ZNHIT3: variants seen among roughly 807,000 people sequenced by gnomAD.
The protein encoded by ZNHIT3 is zinc finger HIT domain-containing protein 3.
Under a neutral mutation model 19.9 loss-of-function variants are expected in ZNHIT3, and 27 were observed. The observed-to-expected ratio is 1.36, with a 90% confidence interval of 1.00 to 1.87. The LOEUF (loss-of-function observed/expected upper bound fraction) is 1.87. Among genes scored for constraint, ZNHIT3 ranks in the 40% most tolerant of loss-of-function variants. ZNHIT3 has a pLI of 0.00. For missense variants in ZNHIT3, 215 were observed against 185.6 expected, an observed-to-expected ratio of 1.16 and a Z score of -0.92; for synonymous variants, 81 against 65.7, an observed-to-expected ratio of 1.23 and a Z score of -1.13.
At chr17:36,489,432 C>G (rs369728558) in intron 2 of ZNHIT3, 1 of 152,056 alleles carries the variant, frequency 6.6e-6, no homozygotes, top group South Asian at 2.1e-4. Context: ...TATAAGAGTT[C>G]CCTTTTCTCC....
chr17:36,498,194 G>C (rs1008823477), downstream of ZNHIT3: 24 of 1,517,608 alleles, frequency 1.6e-5, no homozygotes, highest in Admixed American at 1.4e-4. Flanking sequence ...TCTCATTCCC[G>C]CTGTGAACTT....
downstream of ZNHIT3, chr17:36,496,438 C>G: frequency 6.2e-7 from 1 of 1,611,124 alleles, no homozygotes; most frequent in Non-Finnish European, 8.5e-7. Flanking sequence ...AGCTTTAGCA[C>G]TAGTTCCTGG....
At chr17:36,499,141 A>C (rs1309475628), downstream of ZNHIT3, 1 of 1,608,056 alleles carries the variant, frequency 6.2e-7, no homozygotes. Flanking sequence ...TGTGTTTCCG[A>C]GTTAACCAGG....
chr17:36,496,690 A>G (rs1370901171), downstream of ZNHIT3, among the ~76,000 whole-genome samples: 1 of 152,200 alleles, frequency 6.6e-6, no homozygotes, highest in African/African-American at 2.4e-5. Context: ...GTGTGTTTTC[A>G]TGGGAGACTT....
At chr17:36,487,183 G>GTTT (rs2070586629) in intron 2 of ZNHIT3, among the ~76,000 whole-genome samples, 2 of 152,076 alleles carry the variant, frequency 1.3e-5, no homozygotes, top group Admixed American at 1.3e-4. Context: ...CGCTCTCAGG[G>GTTT]TTTTGGTCAG....
intron 2 of ZNHIT3, among the ~76,000 whole-genome samples, chr17:36,488,375 T>G (rs2070637586): frequency 6.6e-6 from 1 of 151,804 alleles, no homozygotes; most frequent in South Asian, 2.1e-4. Context: ...TGAAACCACA[T>G]CTCTACTAAA....
downstream of ZNHIT3, chr17:36,498,848 T>A: frequency 1.7e-6 from 1 of 592,230 alleles, no homozygotes. Context: ...ATCCCAGAGT[T>A]TGGTATATTC....
Position 36,486,717 on chromosome 17 carries a change from T to C in ZNHIT3, c.18T>C (p.Cys6=). 3 of 1,613,874 alleles carry C rather than the reference T, an allele frequency of 1.9e-6. No homozygotes were observed. Among genetic ancestry groups the C allele is most frequent in the Non-Finnish European group, 2.5e-6 (3 of 1,179,912 alleles). MASLK[C]STVVCVICLE... Reference sequence around the variant, plus strand: ...ACAAAACCATGGCGTCGCTCAAATGTAGCACCGTCGTCTGCGTGATCTGCT... The same window carrying C: ...ACAAAACCATGGCGTCGCTCAAATGCAGCACCGTCGTCTGCGTGATCTGCT... Residue 6 remains cysteine (C), a synonymous_variant, in exon 1 of 5, where the codon TGT becomes TGC. Coordinates refer to ENST00000617429, the MANE Select transcript of ZNHIT3 (RefSeq NM_004773.4).
In ZNHIT3 at chr17:36,492,851, A is replaced by AT. The variant is rs750924463; in HGVS notation, c.158dup (p.Arg54LysfsTer17). 1.2e-6 allele frequency: 2 copies of AT among 1,614,222 alleles called. No homozygotes were observed. The highest frequency in any genetic ancestry group is 3.3e-5 in the Admixed American group (2 of 60,018). ...TGAAACTCGTCCTGTTGAGAAAAAA[A>AT]TAAGATCAGCTCTTCCTACCAAAAC... On this transcript the variant is annotated frameshift_variant, in exon 3 of 5. Transcript: ENST00000617429. LOFTEE classifies it high-confidence loss of function.
downstream of ZNHIT3, chr17:36,498,146 C>A: frequency 1.8e-6 from 2 of 1,129,046 alleles, no homozygotes; most frequent in Non-Finnish European, 2.5e-6. Context: ...CTCTGGTTTA[C>A]CCAGTAGGGT....
Position 36,486,949 on chromosome 17 carries a change from G to A in ZNHIT3, c.101G>A (p.Cys34Tyr). ...TGTTGTTACAGCTGCTCGGTAGTCT[G>A]CTTCCGGAAGCACAAAGGTGAGCCC... ...ACRVPYCSVV[C>Y]FRKHKEQCNP... Residue 34 changes from cysteine to tyrosine, a missense_variant, in exon 2 of 5, where the codon TGC (cysteine) becomes TAC (tyrosine). By Grantham distance (194) the Cys-to-Tyr change is radical. Coordinates refer to ENST00000617429, the MANE Select transcript of ZNHIT3 (RefSeq NM_004773.4). The A allele has an allele frequency of 6.2e-7, 1 of 1,611,418 alleles. No individual in the cohort carries two copies. The highest frequency in any genetic ancestry group is 1.3e-5 in the African/African-American group (1 of 74,848).
At chr17:36,498,068 G>A, downstream of ZNHIT3, 1 of 573,954 alleles carries the variant, frequency 1.7e-6, no homozygotes, top group South Asian at 2.8e-5. Flanking sequence ...AAGATAAAGG[G>A]CTCTGGAAGA....
downstream of ZNHIT3, chr17:36,498,123 G>A (rs2142678439): frequency 2.5e-6 from 2 of 796,950 alleles, no homozygotes; most frequent in East Asian, 2.6e-5. Flanking sequence ...GCAGCTGATT[G>A]GGACATGCAG....
At chr17:36,496,904 C>T (rs1022284786), downstream of ZNHIT3, among the ~76,000 whole-genome samples, 33 of 152,170 alleles carry the variant, frequency 2.2e-4, no homozygotes, top group Admixed American at 6.5e-5. Context: ...TGGGGTTCTA[C>T]CTCCCAGTGC....
chr17:36,491,269 C>A (rs2142529026), intron 2 of ZNHIT3: 1 of 152,398 alleles, frequency 6.6e-6, no homozygotes, highest in Middle Eastern at 3.4e-3. Flanking sequence ...GACCCTGTTA[C>A]AGCTTCTGAG....
At chr17:36,498,770 T>C, downstream of ZNHIT3, 1 of 605,232 alleles carries the variant, frequency 1.7e-6, no homozygotes, top group Non-Finnish European at 2.9e-6. Context: ...ATATGCTACT[T>C]GAAAACAAGA....
chr17:36,499,155 G>C, downstream of ZNHIT3: 1 of 1,602,818 alleles, frequency 6.2e-7, no homozygotes, highest in Non-Finnish European at 8.5e-7. Context: ...AACCAGGAAC[G>C]AATGGCTAAG....
Position 36,495,691 on chromosome 17 carries a change from A to G in ZNHIT3, c.*287A>G. 7.9e-7 allele frequency: 1 copy of G among 1,262,996 alleles called. No individual in the cohort carries two copies. Among genetic ancestry groups the G allele is most frequent in the Non-Finnish European group, 9.9e-7 (1 of 1,006,422 alleles). The allele number at this position is 1,262,996 out of a possible 1,614,324, so 78.2% of individuals were successfully genotyped here. On this transcript the variant is annotated 3_prime_UTR_variant, in exon 5 of 5. Coordinates refer to ENST00000617429, the MANE Select transcript of ZNHIT3 (RefSeq NM_004773.4). ...TTGATAGACATCATAAACGATATCA[A>G]GCTTACACTTCATATGGAGTTAAAC...
chr17:36,498,221 C>G (rs1347226713), downstream of ZNHIT3: 1 of 1,574,654 alleles, frequency 6.4e-7, no homozygotes, highest in Non-Finnish European at 8.6e-7. Flanking sequence ...TTTGCTCCTG[C>G]TGTTCTCAGG....
Sources: gnomAD v4.1 joint callset for allele counts (sites outside exome capture counted in the v4.1 genomes callset) on GRCh38, gnomAD v4.1.1 for gene constraint, MANE v1.5 for transcripts, NCBI Gene and HGNC (gene_info 2026-07-23, HGNC 2026-07-21) for gene names.